MPDZ: variants seen among roughly 807,000 people sequenced by gnomAD.
MPDZ encodes multiple PDZ domain protein.
In MPDZ, 234 loss-of-function variants were observed where a neutral mutation model predicts 239.1. That is an observed-to-expected ratio of 0.98 (90% CI 0.88 to 1.09). The LOEUF (loss-of-function observed/expected upper bound fraction) is 1.09, where lower values mean the gene tolerates loss of function less well. MPDZ is among the 50% of genes least tolerant of loss of function. The pLI is 0.00. For synonymous variants in MPDZ, 1,048 were observed against 881.3 expected (o/e 1.19, Z -3.35); for missense variants, 3,175 against 2,510.0 (o/e 1.26, Z -5.66).
At position 13,229,604 on chromosome 9, in the gene MPDZ, A is replaced by ACC. The variant is rs201355436; in HGVS notation, c.184-5023_184-5022dup. 6.8e-5 allele frequency among the ~76,000 whole-genome samples: 10 copies of ACC among 147,234 alleles called. No homozygotes were observed. In the East Asian group the frequency reaches 1.6e-3, roughly 23 times the overall value. ...CACACACACACACACACACACACAC[A>ACC]CCCCCATCCACCCCACACACAATTA... On this transcript the variant is annotated intron_variant, in intron 3 of 46. Transcript: ENST00000319217.
chr9:13,185,577 T>C (rs535528057), intron 18 of MPDZ, among the ~76,000 whole-genome samples: 28 of 152,124 alleles, frequency 1.8e-4, no homozygotes, highest in Non-Finnish European at 3.4e-4. Flanking sequence ...GTTGTATTTA[T>C]GTTGAGTAAA....
chr9:13,158,758 G>C (rs1950125795), intron 23 of MPDZ, among the ~76,000 whole-genome samples: 1 of 152,174 alleles, frequency 6.6e-6, no homozygotes, highest in African/African-American at 2.4e-5. Flanking sequence ...TTTGCCAAAT[G>C]CCAGGCATGT....
At chr9:13,187,762 G>GAAAATGTGTATCTGCCTTTTC (rs34307097) in intron 17 of MPDZ, among the ~76,000 whole-genome samples, 3 of 152,034 alleles carry the variant, frequency 2.0e-5, no homozygotes, top group Admixed American at 1.3e-4. Flanking sequence ...ATTTTCTTAA[G>GAAAATGTGTATCTGCCTTTTC]ACTTCAAACT....
At chr9:13,139,491 G>T (rs1033787328) in intron 28 of MPDZ, among the ~76,000 whole-genome samples, 1 of 152,166 alleles carries the variant, frequency 6.6e-6, no homozygotes, top group Non-Finnish European at 1.5e-5. Context: ...ATTTTAAAAA[G>T]AGAGATAACC....
rs1966845168 is a variant in MPDZ, at chr9:13,247,693, C to T, written c.125G>A (p.Ser42Asn). Residue 42 changes from serine (S) to asparagine (N), a missense_variant, in exon 3 of 47, where the codon AGC becomes AAC. Coordinates refer to ENST00000319217, the MANE Select transcript of MPDZ (RefSeq NM_001378778.1). ...GCTCAGAATCTGACTGAAGAGAGGG[C>T]TCTGCAGGACTGACTTCAGAAGGCT... ...KLSLLKSVLQ[S>N]PLFSQILSLQ... 1 of 1,613,370 alleles carries T rather than the reference C, an allele frequency of 6.2e-7. No individual in the cohort carries two copies. Among genetic ancestry groups the T allele is most frequent in the African/African-American group, 1.3e-5 (1 of 74,886 alleles).
chr9:13,250,846 G>A lies in MPDZ; in HGVS notation c.-57-474C>T, dbSNP rs910400326. Among the ~76,000 whole-genome samples, 13 of 151,976 alleles carry A rather than the reference G, an allele frequency of 8.6e-5. No homozygotes were observed. The East Asian group carries it at 2.5e-3, about 29-fold the overall frequency. On this transcript the variant is annotated intron_variant, in intron 1 of 46. Coordinates refer to ENST00000319217, the MANE Select transcript of MPDZ (RefSeq NM_001378778.1). Reference sequence around the variant, plus strand: ...TGCATACCTATTAGAAATGAACTGTGGGCTGGGCATGGTGGCTCACATCTT... The same window carrying A: ...TGCATACCTATTAGAAATGAACTGTAGGCTGGGCATGGTGGCTCACATCTT...
At chr9:13,136,904 A>C in intron 29 of MPDZ, 101 bp from the exon 30 acceptor site, 1 of 593,310 alleles carries the variant, frequency 1.7e-6, no homozygotes, top group Non-Finnish European at 2.8e-6. Context: ...CTTCCTTTAA[A>C]ATATATTTTA....
chr9:13,153,981 G>A (rs1587315653), intron 24 of MPDZ, among the ~76,000 whole-genome samples: 1 of 152,050 alleles, frequency 6.6e-6, no homozygotes. Context: ...CTCTGAGTAA[G>A]TTACATATAC....
intron 36 of MPDZ, 91 bp from the exon 37 acceptor site, chr9:13,122,261 G>A: frequency 1.8e-6 from 2 of 1,127,456 alleles, no homozygotes; most frequent in Non-Finnish European, 2.6e-6. Flanking sequence ...TACTTTGATA[G>A]ACAGCAATAA....
Position 13,112,145 on chromosome 9 carries a change from C to T in MPDZ, c.5603G>A (p.Gly1868Asp), listed in dbSNP as rs566502993. The change falls in exon 43 of 47, where the codon GGC becomes GAC. Residue 1868 changes from glycine to aspartate, a missense_variant and splice_region_variant. Gly to Asp is a moderately conservative substitution (Grantham distance 94). Transcript: ENST00000319217. Reference sequence around the variant, plus strand: ...GCTGATTCCCAGTGAGTCAGTAGGGCCCTGCCATGGAACAGATATAAAATT... The same window carrying T: ...GCTGATTCCCAGTGAGTCAGTAGGGTCCTGCCATGGAACAGATATAAAATT... ...QGLRTVEMKK[G>D]PTDSLGISIA... 16 of 1,609,166 alleles carry T rather than the reference C, an allele frequency of 9.9e-6. No homozygotes were observed. The East Asian group carries it at 3.6e-4, about 36-fold the overall frequency.
At chr9:13,199,121 A>G (rs1956074401) in intron 12 of MPDZ, among the ~76,000 whole-genome samples, 1 of 152,068 alleles carries the variant, frequency 6.6e-6, no homozygotes, top group Non-Finnish European at 1.5e-5. Context: ...TTTTAACAAT[A>G]TTAATTCTTC....
chr9:13,242,974 A>C (rs754061736), intron 3 of MPDZ, among the ~76,000 whole-genome samples: 15 of 152,168 alleles, frequency 9.9e-5, no homozygotes, highest in Non-Finnish European at 2.1e-4. Context: ...GGAGAGCATA[A>C]AATAATCCTG....
At chr9:13,246,107 T>A (rs928800590) in intron 3 of MPDZ, among the ~76,000 whole-genome samples, 2 of 152,190 alleles carry the variant, frequency 1.3e-5, no homozygotes, top group African/African-American at 4.8e-5. Flanking sequence ...TTATTTGGGA[T>A]ACTGGTTTCT....
At chr9:13,236,820 C>T (rs78488406) in intron 3 of MPDZ, among the ~76,000 whole-genome samples, 2,198 of 151,350 alleles carry the variant, frequency 0.015, 31 homozygotes, top group South Asian at 0.058. Flanking sequence ...TTAAAAACTT[C>T]GCTCCTACAA....
chr9:13,123,420 AAG>A (rs1158469044), intron 35 of MPDZ, 122 bp from the exon 36 acceptor site: 1 of 694,178 alleles, frequency 1.4e-6, no homozygotes, highest in African/African-American at 1.8e-5. Context: ...ACTGTGGGAA[AAG>A]AGACTTTGTA....
intron 15 of MPDZ, among the ~76,000 whole-genome samples, 174 bp downstream of exon 15, chr9:13,191,957 A>C (rs1367313647): frequency 6.6e-6 from 1 of 152,154 alleles, no homozygotes; most frequent in South Asian, 2.1e-4. Context: ...AATTTCCCAC[A>C]GCTAGTGTCA....
chr9:13,274,043 T>A (rs1387707903), intron 1 of MPDZ, among the ~76,000 whole-genome samples: 1 of 152,198 alleles, frequency 6.6e-6, no homozygotes, highest in Non-Finnish European at 1.5e-5. Flanking sequence ...CAAAATAACT[T>A]AAATATCTTC....
intron 38 of MPDZ, chr9:13,120,005 T>G: frequency 4.4e-6 from 1 of 225,564 alleles, no homozygotes. Flanking sequence ...TGCTGTTCTT[T>G]CCAAATCAGA....
At chr9:13,257,253 G>A (rs576873925) in intron 1 of MPDZ, among the ~76,000 whole-genome samples, 4 of 152,202 alleles carry the variant, frequency 2.6e-5, no homozygotes, top group East Asian at 1.9e-4. Context: ...GTTTATACAC[G>A]TTCCATCATG....
Sources: gnomAD v4.1 joint callset for allele counts (sites outside exome capture counted in the v4.1 genomes callset) on GRCh38, gnomAD v4.1.1 for gene constraint, MANE v1.5 for transcripts, NCBI Gene and HGNC (gene_info 2026-07-23, HGNC 2026-07-21) for gene names.